The following SLC25A48 variants were observed in gnomAD, a reference collection of about 807,000 sequenced individuals.
SLC25A48 encodes the protein solute carrier family 25 member 48.
In SLC25A48, 29 loss-of-function variants were observed where a neutral mutation model predicts 32.2. The ratio of observed to expected loss-of-function variants is 0.90; its 90% confidence interval spans 0.67 to 1.23. The LOEUF is 1.23. Ranked by LOEUF, SLC25A48 falls within the 50% of genes most tolerant of loss-of-function variation. The pLI is 0.00. For missense variants in SLC25A48, 399 were observed against 422.7 expected, an observed-to-expected ratio of 0.94 and a Z score of 0.49; for synonymous variants, 164 against 172.3, an observed-to-expected ratio of 0.95 and a Z score of 0.38.
rs1752067806 is a variant in SLC25A48 at position 135,611,523 on chromosome 5, A to AAAAAGAAAAAG, written c.-848-17704_-848-17694dup. Among the ~76,000 whole-genome samples, 399 of 139,270 alleles carry AAAAAGAAAAAG rather than the reference A, an allele frequency of 2.9e-3. 3 individuals are homozygous for AAAAAGAAAAAG. The highest frequency in any genetic ancestry group is 0.011 in the African/African-American group (382 of 35,318). The allele number at this position is 139,270 out of a possible 152,430, so 91.4% of individuals were successfully genotyped here. A position where few individuals can be genotyped will look rare whatever the true frequency, so the allele number is the denominator to read the frequency against. On this transcript the variant is annotated intron_variant, in intron 1 of 10. Transcript: ENST00000646290. ...AAAAAAAAAAAAAAAAAAAAAAAAA[A>AAAAAGAAAAAG]AAAAGAAAAAGAAAAGAAAAGAAAA...
intron 3 of SLC25A48, among the ~76,000 whole-genome samples, chr5:135,726,634 A>G (rs889685269): frequency 6.6e-6 from 1 of 152,182 alleles, no homozygotes; most frequent in Non-Finnish European, 1.5e-5. Context: ...AGGTTGTTGC[A>G]TGTGTCAATA....
intron 3 of SLC25A48, among the ~76,000 whole-genome samples, chr5:135,756,990 T>A (rs1755928482): frequency 6.6e-6 from 1 of 150,708 alleles, no homozygotes; most frequent in Admixed American, 6.6e-5. Flanking sequence ...TAAAATATCA[T>A]CTATATAATA....
chr5:135,816,789 G>C (rs1757730682), intron 4 of SLC25A48, among the ~76,000 whole-genome samples: 1 of 152,076 alleles, frequency 6.6e-6, no homozygotes, highest in Non-Finnish European at 1.5e-5. Context: ...GAAAACACAG[G>C]ACAATGATCC....
At chr5:135,695,186 C>T (rs1328781308) in intron 3 of SLC25A48, among the ~76,000 whole-genome samples, 1 of 152,170 alleles carries the variant, frequency 6.6e-6, no homozygotes, top group Non-Finnish European at 1.5e-5. Context: ...AACTCCAAGT[C>T]CCCTCTTCAG....
chr5:135,711,157 T>C (rs954884830), intron 3 of SLC25A48, among the ~76,000 whole-genome samples: 3 of 152,190 alleles, frequency 2.0e-5, no homozygotes, highest in Admixed American at 6.5e-5. Flanking sequence ...CTGTGGACTT[T>C]CTGTGAGAGA....
chr5:135,876,685 A>G (rs952054534), intron 6 of SLC25A48, among the ~76,000 whole-genome samples: 1 of 152,252 alleles, frequency 6.6e-6, no homozygotes, highest in African/African-American at 2.4e-5. Context: ...ACAGTGTATA[A>G]AAGAATATAT....
intron 1 of SLC25A48, among the ~76,000 whole-genome samples, chr5:135,619,424 G>T (rs1458301713): frequency 2.0e-5 from 3 of 151,902 alleles, no homozygotes; most frequent in Non-Finnish European, 4.4e-5. Context: ...GAATTATCTT[G>T]TATCTCACTG....
intron 3 of SLC25A48, among the ~76,000 whole-genome samples, chr5:135,704,758 A>G (rs897189977): frequency 1.3e-5 from 2 of 152,214 alleles, no homozygotes; most frequent in Non-Finnish European, 2.9e-5. Context: ...TAACACGTTA[A>G]TAAGTCACAG....
At chr5:135,760,702 C>T (rs575278874) in intron 3 of SLC25A48, among the ~76,000 whole-genome samples, 14 of 152,258 alleles carry the variant, frequency 9.2e-5, no homozygotes, top group South Asian at 8.3e-4. Flanking sequence ...AGCCGATTGT[C>T]GGCCACTTGG....
At chr5:135,864,238 G>T (rs1392519850) in intron 4 of SLC25A48, among the ~76,000 whole-genome samples, 1 of 152,166 alleles carries the variant, frequency 6.6e-6, no homozygotes, top group Non-Finnish European at 1.5e-5. Context: ...AGAGTTGCCT[G>T]GCTGGGAGGT....
chr5:135,774,400 G>A (rs569555075), intron 3 of SLC25A48, among the ~76,000 whole-genome samples: 1 of 151,836 alleles, frequency 6.6e-6, no homozygotes, highest in East Asian at 1.9e-4. Flanking sequence ...GGGTGGGAGA[G>A]GATGCTATTA....
intron 3 of SLC25A48, among the ~76,000 whole-genome samples, chr5:135,646,767 A>T (rs1484321609): frequency 7.3e-5 from 11 of 150,670 alleles, no homozygotes; most frequent in Middle Eastern, 3.2e-3. Context: ...GAATCTAAAA[A>T]AGTTGAACTC....
chr5:135,637,932 A>G (rs1752743097), intron 3 of SLC25A48, among the ~76,000 whole-genome samples: 1 of 152,214 alleles, frequency 6.6e-6, no homozygotes, highest in Non-Finnish European at 1.5e-5. Context: ...AAGAATGAGT[A>G]TGTTTTTCAT....
intron 3 of SLC25A48, among the ~76,000 whole-genome samples, chr5:135,665,840 A>C (rs1753511684): frequency 6.6e-6 from 1 of 151,292 alleles, no homozygotes; most frequent in African/African-American, 2.4e-5. Context: ...CTTTGCTCCC[A>C]ATATGATGAA....
chr5:135,829,884 C>A (rs1425624725), upstream of SLC25A48, among the ~76,000 whole-genome samples: 1 of 151,954 alleles, frequency 6.6e-6, no homozygotes, highest in Non-Finnish European at 1.5e-5. Flanking sequence ...TCTCACCTAC[C>A]CAAGGAGAAC....
chr5:135,767,210 G>A (rs1451456868), intron 3 of SLC25A48, among the ~76,000 whole-genome samples: 1 of 142,556 alleles, frequency 7.0e-6, no homozygotes, highest in Non-Finnish European at 1.5e-5. Flanking sequence ...GATATGGTTT[G>A]TAATATCCAA....
At chr5:135,643,063 G>A (rs1752877544) in intron 3 of SLC25A48, among the ~76,000 whole-genome samples, 1 of 152,230 alleles carries the variant, frequency 6.6e-6, no homozygotes, top group South Asian at 2.1e-4. Flanking sequence ...AGAACAGTCA[G>A]CAGTCTGGGG....
rs78647464 is a variant in SLC25A48, at chr5:135,769,151, G to T, written c.-520-43372G>T. On this transcript the variant is annotated intron_variant, in intron 3 of 10. Transcript: ENST00000646290. Reference sequence around the variant, plus strand: ...GCTATTACTACCAATATCGCAAGGGGTGTACACCCCCCTGTGATATTGTTC... The same window carrying T: ...GCTATTACTACCAATATCGCAAGGGTTGTACACCCCCCTGTGATATTGTTC... Among the ~76,000 whole-genome samples the T allele has an allele frequency of 7.4e-3, 1,115 of 150,208 alleles. 17 individuals carry two copies. Among genetic ancestry groups the T allele is most frequent in the Non-Finnish European group, 9.7e-3 (654 of 67,688 alleles).
intron 3 of SLC25A48, among the ~76,000 whole-genome samples, chr5:135,683,783 T>G (rs545945184): frequency 6.6e-6 from 1 of 152,274 alleles, no homozygotes; most frequent in Admixed American, 6.5e-5. Context: ...TCCCGGACTT[T>G]GGGAACAACC....
Sources: allele counts gnomAD v4.1 joint callset (sites outside exome capture counted in the v4.1 genomes callset), GRCh38; gene constraint gnomAD v4.1.1; transcripts MANE v1.5; gene names NCBI Gene and HGNC (gene_info 2026-07-23, HGNC 2026-07-21).